PKP1: variants seen among roughly 807,000 people sequenced by gnomAD.
The protein encoded by PKP1 is plakophilin-1.
PKP1 carries 27 observed loss-of-function variants against 76.4 expected under a neutral mutation model. That is an observed-to-expected ratio of 0.35 (90% CI 0.26 to 0.49). PKP1 has a LOEUF of 0.49. PKP1 is among the 20% of genes least tolerant of loss of function. The pLI, the probability that PKP1 is intolerant of heterozygous loss-of-function variation, is 0.99. For missense variants in PKP1, 964 were observed against 955.2 expected (o/e 1.01, Z -0.12); for synonymous variants, 404 against 384.2 (o/e 1.05, Z -0.60).
At position 201,313,312 on chromosome 1, in the gene PKP1, G is replaced by T. The variant is rs149029415; in HGVS notation, c.453G>T (p.Lys151Asn). The T allele has an allele frequency of 1.4e-4, 225 of 1,597,264 alleles. No individual in the cohort carries two copies. The highest frequency in any genetic ancestry group is 5.6e-4 in the Admixed American group (32 of 57,462). The part of the protein sequence containing the change: ...GSDICFMQKI[K>N]ASRSEPDLYC... ...ACATCTGCTTCATGCAGAAAATCAAGGCGAGCCGCAGTGAGCCCGACCTCT... is the reference window on the plus strand; with the variant it reads ...ACATCTGCTTCATGCAGAAAATCAATGCGAGCCGCAGTGAGCCCGACCTCT... The change falls in exon 3 of 14, where the codon AAG (lysine) becomes AAT (asparagine). Residue 151 changes from lysine (K) to asparagine (N), a missense_variant. Transcript: ENST00000367324.
chr1:201,308,889 C>T (rs1656446565), intron 2 of PKP1, among the ~76,000 whole-genome samples: 1 of 152,050 alleles, frequency 6.6e-6, no homozygotes, highest in African/African-American at 2.4e-5. Context: ...CAGTGGGGGG[C>T]ACTGGAGTGG....
At chr1:201,324,076 A>G (rs917615264) in intron 9 of PKP1, among the ~76,000 whole-genome samples, 5 of 152,178 alleles carry the variant, frequency 3.3e-5, no homozygotes, top group Non-Finnish European at 5.9e-5. Context: ...ATGGGCAGAT[A>G]GCGTGGGGAG....
chr1:201,313,091 G>GT, intron 2 of PKP1, 75 bp from the exon 3 acceptor site: 1 of 1,458,170 alleles, frequency 6.9e-7, no homozygotes, highest in East Asian at 2.4e-5. Flanking sequence ...GGGGAGGGCT[G>GT]TATCTCATGC....
intron 1 of PKP1, among the ~76,000 whole-genome samples, chr1:201,288,062 G>T (rs1397321403): frequency 6.6e-6 from 1 of 152,000 alleles, no homozygotes; most frequent in Non-Finnish European, 1.5e-5. Flanking sequence ...ACACACTTAT[G>T]TTATGTGTGT....
chr1:201,326,941 G>A (rs538167491), intron 12 of PKP1, among the ~76,000 whole-genome samples: 69 of 152,338 alleles, frequency 4.5e-4, no homozygotes, highest in African/African-American at 1.6e-3. Context: ...AAGCTCTAAG[G>A]AAGGCAGGGC....
intron 2 of PKP1, among the ~76,000 whole-genome samples, chr1:201,295,780 G>A (rs1423528857): frequency 2.6e-5 from 4 of 152,048 alleles, no homozygotes; most frequent in African/African-American, 9.7e-5. Context: ...CTCACGGGTT[G>A]ATATCAGATG....
intron 2 of PKP1, among the ~76,000 whole-genome samples, chr1:201,308,380 T>C (rs938873594): frequency 1.3e-5 from 2 of 152,236 alleles, no homozygotes; most frequent in Non-Finnish European, 2.9e-5. Flanking sequence ...GAGCTCTTGC[T>C]GTGAGCTCAG....
intron 3 of PKP1, 134 bp from the exon 4 acceptor site, chr1:201,316,419 C>A: frequency 1.1e-6 from 1 of 880,398 alleles, no homozygotes. Context: ...CCAAGTGGGC[C>A]TGGGCTGCCT....
At chr1:201,328,961 G>A (rs553546540) in intron 13 of PKP1, 93 bp downstream of exon 13, 3 of 825,884 alleles carry the variant, frequency 3.6e-6, no homozygotes, top group Admixed American at 1.7e-5. Flanking sequence ...TGCTCCCAGG[G>A]ACACAGAAGC....
At chr1:201,285,169 A>G (rs1475846119) in intron 1 of PKP1, among the ~76,000 whole-genome samples, 1 of 150,766 alleles carries the variant, frequency 6.6e-6, no homozygotes, top group Non-Finnish European at 1.5e-5. Context: ...AGTGAGGGGC[A>G]GGGGGTAATA....
At chr1:201,312,797 G>A (rs773747508) in intron 2 of PKP1, among the ~76,000 whole-genome samples, 2 of 152,104 alleles carry the variant, frequency 1.3e-5, no homozygotes, top group African/African-American at 4.8e-5. Flanking sequence ...TATGACACCT[G>A]GTAGCTCCTT....
At chr1:201,284,427 C>A (rs563245895) in intron 1 of PKP1, among the ~76,000 whole-genome samples, 189 of 152,294 alleles carry the variant, frequency 1.2e-3, no homozygotes, top group Non-Finnish European at 2.4e-3. Context: ...CCAAGGGGAA[C>A]CCCAGTCCCT....
chr1:201,285,707 G>A (rs78170914), intron 1 of PKP1, among the ~76,000 whole-genome samples: 2,328 of 152,322 alleles, frequency 0.015, 57 homozygotes, highest in African/African-American at 0.053. Flanking sequence ...CCGGCCCTGG[G>A]TGCCCCAAGG....
Position 201,316,602 on chromosome 1 carries a change from G to T in PKP1, c.751G>T (p.Val251Leu), listed in dbSNP as rs770390936. Residue 251 changes from valine (V) to leucine (L), a missense_variant, in exon 4 of 14, where the codon GTG becomes TTG. Transcript: ENST00000367324. ...ECSGLTIPKA[V>L]QYLSSQDEKY... ...CAGTGGGCTGACCATCCCCAAGGCT[G>T]TGCAGTACCTGAGCTCCCAGGATGA... The T allele has an allele frequency of 3.3e-5, 54 of 1,612,436 alleles. No homozygotes were observed. Among genetic ancestry groups the T allele is most frequent in the Middle Eastern group, 3.3e-4 (2 of 6,042 alleles).
In PKP1 at chr1:201,331,558, G is replaced by A. The variant is rs920710686; in HGVS notation, c.*1517G>A. 1.3e-5 allele frequency: 2 copies of A among 152,308 alleles called. No individual in the cohort carries two copies. Among genetic ancestry groups the A allele is most frequent in the African/African-American group, 4.8e-5 (2 of 41,402 alleles). 9.4% of individuals were successfully genotyped at this position (152,308 alleles called of 1,614,324 possible). A position where few individuals can be genotyped will look rare whatever the true frequency, so the allele number is the denominator to read the frequency against. ...GGTGTTAGAGAGGAATTAACTTCCT[G>A]GTCTGTGCCCTTCTCTAGAAGAATA... On this transcript the variant is annotated 3_prime_UTR_variant, in exon 14 of 14. Transcript: ENST00000367324.
At chr1:201,327,195 T>A (rs1169225937) in intron 12 of PKP1, among the ~76,000 whole-genome samples, 1 of 152,100 alleles carries the variant, frequency 6.6e-6, no homozygotes, top group Non-Finnish European at 1.5e-5. Context: ...AAAAGAGATC[T>A]GTTTAAAGAC....
At chr1:201,286,294 C>T (rs1329370591) in intron 1 of PKP1, among the ~76,000 whole-genome samples, 4 of 152,150 alleles carry the variant, frequency 2.6e-5, no homozygotes, top group Non-Finnish European at 5.9e-5. Flanking sequence ...GTCAGTTTAC[C>T]TAGGGTCTTC....
intron 10 of PKP1, 133 bp downstream of exon 10, chr1:201,324,714 G>A (rs1657056941): frequency 8.2e-7 from 1 of 1,221,796 alleles, no homozygotes; most frequent in South Asian, 1.3e-5. Flanking sequence ...GCCAAAGACA[G>A]GTATGGAGAC....
rs1032719808 is a variant in PKP1, at chr1:201,298,397, C to T, written c.306+4352C>T. ...AATGGTTCTGGATTAAGATGACACT[C>T]CTTTTGTCTATCATCTTCAGCTCCA... On this transcript the variant is annotated intron_variant, in intron 2 of 13. Coordinates refer to ENST00000367324, the MANE Select transcript of PKP1 (RefSeq NM_001005337.3). Among the ~76,000 whole-genome samples, 39 of 152,184 alleles carry T rather than the reference C, an allele frequency of 2.6e-4. 1 individual carries two copies. Among genetic ancestry groups the T allele is most frequent in the African/African-American group, 9.4e-4 (39 of 41,438 alleles).
Sources: allele counts gnomAD v4.1 joint callset (sites outside exome capture counted in the v4.1 genomes callset), GRCh38; gene constraint gnomAD v4.1.1; transcripts MANE v1.5; gene names NCBI Gene and HGNC (gene_info 2026-07-23, HGNC 2026-07-21).